The following SIK3 variants were observed in gnomAD, a reference collection of about 807,000 sequenced individuals.
The protein encoded by SIK3 is SIK family kinase 3, also known as serine/threonine-protein kinase SIK3.
Under a neutral mutation model 144.2 loss-of-function variants are expected in SIK3, and 28 were observed. The ratio of observed to expected loss-of-function variants is 0.19; its 90% CI spans 0.14 to 0.27. The LOEUF (loss-of-function observed/expected upper bound fraction) is 0.27. SIK3 is among the 10% of genes least tolerant of loss of function. The pLI is 1.00. For synonymous variants in SIK3, 686 were observed against 676.3 expected (o/e 1.01, Z -0.22); for missense variants, 1,319 against 1,776.0 (o/e 0.74, Z 4.62).
chr11:116,856,541 A>G (rs1455971952), intron 21 of SIK3, among the ~76,000 whole-genome samples: 1 of 152,174 alleles, frequency 6.6e-6, no homozygotes, highest in Non-Finnish European at 1.5e-5. Context: ...TCTGTTAACC[A>G]TTCCACCTAT....
intron 1 of SIK3, among the ~76,000 whole-genome samples, chr11:117,094,570 T>C (rs1438600809): frequency 6.6e-6 from 1 of 152,122 alleles, no homozygotes; most frequent in Non-Finnish European, 1.5e-5. Flanking sequence ...GCAGTGTCAC[T>C]GCACTCTAGC....
At chr11:117,044,584 G>A (rs1231041035) in intron 1 of SIK3, among the ~76,000 whole-genome samples, 1 of 149,912 alleles carries the variant, frequency 6.7e-6, no homozygotes, top group Non-Finnish European at 1.5e-5. Context: ...CACTTTAACA[G>A]ACCTCTTCAC....
intron 1 of SIK3, among the ~76,000 whole-genome samples, chr11:116,978,947 T>C (rs899182912): frequency 1.3e-5 from 2 of 152,244 alleles, no homozygotes; most frequent in Non-Finnish European, 2.9e-5. Context: ...TATTTATGCT[T>C]TACAGTTGCT....
At chr11:116,853,702 A>G (rs1016285051) in intron 21 of SIK3, among the ~76,000 whole-genome samples, 3 of 152,224 alleles carry the variant, frequency 2.0e-5, no homozygotes, top group Non-Finnish European at 4.4e-5. Flanking sequence ...CTGAGTAATA[A>G]AGCTGAGGCT....
intron 1 of SIK3, among the ~76,000 whole-genome samples, chr11:116,980,533 C>A (rs1352416841): frequency 6.6e-6 from 1 of 152,194 alleles, no homozygotes; most frequent in African/African-American, 2.4e-5. Context: ...GAATGAATAT[C>A]ACTTTCACAC....
At chr11:116,907,178 G>A (rs1946085457) in intron 4 of SIK3, among the ~76,000 whole-genome samples, 3 of 152,184 alleles carry the variant, frequency 2.0e-5, no homozygotes, top group African/African-American at 7.2e-5. Context: ...CCTGAGACGT[G>A]AGGTTCAAAA....
intron 19 of SIK3, among the ~76,000 whole-genome samples, chr11:116,859,858 T>A (rs538091802): frequency 6.6e-6 from 1 of 152,292 alleles, no homozygotes; most frequent in South Asian, 2.1e-4. Flanking sequence ...CAAGTTCCCT[T>A]AAAAGCTGGT....
In SIK3 at chr11:116,846,646, C is replaced by T. The variant is rs140802659; in HGVS notation, c.3953-93G>A. The T allele has an allele frequency of 6.8e-4, 978 of 1,437,770 alleles. 9 individuals carry two copies. In the African/African-American group the frequency reaches 0.011, roughly 16 times the overall value. The allele number at this position is 1,437,770 out of a possible 1,614,324, so 89.1% of individuals were successfully genotyped here. A position where few individuals can be genotyped will look rare whatever the true frequency, so the allele number is the denominator to read the frequency against. ...AGAGGAGGAATTGAAGGCAACCTGT[C>T]GAGCATCCCACAGCCTGACTCCCAG... On this transcript the variant is annotated intron_variant, in intron 23 of 24. Transcript: ENST00000445177. The surrounding 1 kb of genome is among the most constrained non-coding windows in gnomAD (Gnocchi z 4.1).
At chr11:116,850,369 A>G (rs1375295616) in intron 21 of SIK3, among the ~76,000 whole-genome samples, 1 of 152,184 alleles carries the variant, frequency 6.6e-6, no homozygotes, top group African/African-American at 2.4e-5. Context: ...TCTATGCACA[A>G]TTCTATGCAT....
In SIK3 at chr11:117,086,761, T is replaced by A. The variant is rs535309058; in HGVS notation, c.273+11382A>T. Among the ~76,000 whole-genome samples the A allele has an allele frequency of 2.1e-5, 3 of 144,866 alleles. No individual in the cohort carries two copies. In the South Asian group the frequency reaches 6.6e-4, roughly 32 times the overall value. On this transcript the variant is annotated intron_variant, in intron 1 of 24. Coordinates refer to ENST00000445177, the MANE Select transcript of SIK3 (RefSeq NM_001366686.3). Reference sequence around the variant, plus strand: ...CCTGTAATCCCAGCACTTTGGGAGGTCGAGGCAGGTGGATCACAAAGTCAG... The same window carrying A: ...CCTGTAATCCCAGCACTTTGGGAGGACGAGGCAGGTGGATCACAAAGTCAG...
chr11:116,979,830 G>C (rs999744166), intron 1 of SIK3, among the ~76,000 whole-genome samples: 1 of 152,002 alleles, frequency 6.6e-6, no homozygotes, highest in Non-Finnish European at 1.5e-5. Flanking sequence ...CTGGCCAACA[G>C]AGCAAGACTC....
intron 1 of SIK3, among the ~76,000 whole-genome samples, chr11:117,072,991 G>T (rs369527112): frequency 1.3e-5 from 2 of 152,270 alleles, no homozygotes; most frequent in African/African-American, 4.8e-5. Flanking sequence ...AGTGGGAGAA[G>T]AATTCATGAT....
At chr11:116,987,241 C>T (rs1157952295) in intron 1 of SIK3, among the ~76,000 whole-genome samples, 10 of 151,086 alleles carry the variant, frequency 6.6e-5, no homozygotes. Flanking sequence ...AGGGTTAAAA[C>T]TTGCCATTTC....
intron 1 of SIK3, among the ~76,000 whole-genome samples, chr11:117,012,334 T>C (rs1951297910): frequency 6.6e-6 from 1 of 152,148 alleles, no homozygotes; most frequent in Admixed American, 6.6e-5. Flanking sequence ...AGCACCATTA[T>C]ATTGGAGCAT....
At chr11:117,091,809 G>C (rs915290613) in intron 1 of SIK3, among the ~76,000 whole-genome samples, 3 of 152,074 alleles carry the variant, frequency 2.0e-5, no homozygotes, top group African/African-American at 7.2e-5. Flanking sequence ...CTGAGACAGG[G>C]TTTCACTCTG....
intron 1 of SIK3, among the ~76,000 whole-genome samples, chr11:117,046,425 GA>G (rs753158867): frequency 1.3e-4 from 20 of 152,170 alleles, no homozygotes; most frequent in African/African-American, 2.6e-4. Context: ...TTAATGGGGG[GA>G]AAAAGGTGTC....
chr11:116,868,648 C>T (rs569106610), intron 14 of SIK3: 2 of 153,900 alleles, frequency 1.3e-5, no homozygotes, highest in African/African-American at 4.8e-5. Context: ...GTGACTATAA[C>T]TCAATCATCA....
At chr11:117,076,538 T>TG (rs1248860480) in intron 1 of SIK3, among the ~76,000 whole-genome samples, 3 of 152,060 alleles carry the variant, frequency 2.0e-5, no homozygotes, top group Non-Finnish European at 4.4e-5. Context: ...ACAATTTTTT[T>TG]TTTTTCGAGA....
chr11:116,927,172 G>A, intron 4 of SIK3, 47 bp downstream of exon 4: 1 of 1,470,118 alleles, frequency 6.8e-7, no homozygotes, highest in Non-Finnish European at 9.3e-7. Context: ...AGAACCCCAA[G>A]GAAAAGCTCC....
Sources: gnomAD v4.1 joint callset for allele counts (sites outside exome capture counted in the v4.1 genomes callset) on GRCh38, gnomAD v4.1.1 for gene constraint, Gnocchi (gnomAD v3.1) non-coding constraint, MANE v1.5 for transcripts, NCBI Gene and HGNC (gene_info 2026-07-23, HGNC 2026-07-21) for gene names.